The following ACOT7 variants were observed in gnomAD, a reference collection of about 807,000 sequenced individuals.
ACOT7 encodes cytosolic acyl coenzyme A thioester hydrolase.
A neutral mutation model predicts 40.2 loss-of-function variants in ACOT7; 12 were observed. That is an observed-to-expected ratio of 0.30 (90% CI 0.19 to 0.48). The LOEUF (loss-of-function observed/expected upper bound fraction) is 0.48, where lower values mean the gene tolerates loss of function less well. Among genes scored for constraint, ACOT7 ranks in the 20% least tolerant of loss-of-function variants. ACOT7 has a pLI of 0.99. For missense variants in ACOT7, 395 were observed against 530.8 expected (o/e 0.74, Z 2.51); for synonymous variants, 228 against 219.5 (o/e 1.04, Z -0.34).
At chr1:6,276,927 C>A (rs906744925) in intron 8 of ACOT7, among the ~76,000 whole-genome samples, 1 of 152,146 alleles carries the variant, frequency 6.6e-6, no homozygotes, top group Non-Finnish European at 1.5e-5. Flanking sequence ...TTCAAGCTGG[C>A]GCCCTTCCCT....
At chr1:6,381,507 C>T (rs1354748054) in intron 1 of ACOT7, among the ~76,000 whole-genome samples, 4 of 151,230 alleles carry the variant, frequency 2.6e-5, no homozygotes, top group Non-Finnish European at 5.9e-5. Context: ...ATTAGGATGG[C>T]AACTATCAAA....
chr1:6,373,395 A>G (rs565610312), intron 1 of ACOT7, among the ~76,000 whole-genome samples: 1 of 152,080 alleles, frequency 6.6e-6, no homozygotes, highest in Non-Finnish European at 1.5e-5. Flanking sequence ...TGACTACGGC[A>G]CATGCCACCA....
At chr1:6,304,602 G>A (rs1449416407) in intron 6 of ACOT7, among the ~76,000 whole-genome samples, 28 of 134,708 alleles carry the variant, frequency 2.1e-4, no homozygotes, top group Admixed American at 3.0e-4. Context: ...GACTCTTAAC[G>A]AGCATGCTGC....
At chr1:6,341,117 G>A (rs960521162) in intron 2 of ACOT7, among the ~76,000 whole-genome samples, 2 of 151,832 alleles carry the variant, frequency 1.3e-5, no homozygotes, top group East Asian at 2.0e-4. Context: ...TAATCTGCCC[G>A]TGTTGTGACA....
chr1:6,300,338 G>T (rs752590657), intron 6 of ACOT7, among the ~76,000 whole-genome samples: 18 of 152,228 alleles, frequency 1.2e-4, no homozygotes, highest in Non-Finnish European at 2.1e-4. Flanking sequence ...TGCCGGGGAA[G>T]CTGGTGCCAG....
rs1340665215 is a variant in ACOT7, at chr1:6,341,669, G to A, written c.262-2080C>T. Reference sequence around the variant, plus strand: ...AGGCAGGAGAATGGCGTGAACCCGGGAGGCGGAGCTTGCAGTGAGCCAAGA... The same window carrying A: ...AGGCAGGAGAATGGCGTGAACCCGGAAGGCGGAGCTTGCAGTGAGCCAAGA... On this transcript the variant is annotated intron_variant, in intron 2 of 8. Transcript: ENST00000361521. Among the ~76,000 whole-genome samples the A allele has an allele frequency of 3.9e-5, 6 of 152,220 alleles. No homozygotes were observed. In the South Asian group the frequency reaches 1.2e-3, roughly 32 times the overall value.
rs1335406965 is a variant in ACOT7, at chr1:6,353,310, T to C, written c.144-3444A>G. On this transcript the variant is annotated intron_variant, in intron 1 of 8. Transcript: ENST00000361521. ...CTCAAGCCTGGGCAACAGAGTGAGA[T>C]GCTGTCTCAAAAGAAAAAAAAAATT... 6.7e-5 allele frequency among the ~76,000 whole-genome samples: 10 copies of C among 148,416 alleles called. No homozygotes were observed. In the East Asian group the frequency reaches 1.8e-3, roughly 27 times the overall value.
At chr1:6,280,340 C>A (rs1162827019) in intron 8 of ACOT7, among the ~76,000 whole-genome samples, 1 of 152,238 alleles carries the variant, frequency 6.6e-6, no homozygotes, top group East Asian at 1.9e-4. Context: ...GGATGGGGAA[C>A]CTCTGTTCTT....
At chr1:6,284,576 C>CAAAAAAA (rs561943319) in intron 7 of ACOT7, among the ~76,000 whole-genome samples, 1 of 58,002 alleles carries the variant, frequency 1.7e-5, no homozygotes, top group Non-Finnish European at 3.4e-5. Context: ...AACTCCATCT[C>CAAAAAAA]AAAAAAAAAA....
In ACOT7 at chr1:6,304,239, G is replaced by A. The variant is rs985437155; in HGVS notation, c.713-9259C>T. ...TGTTCATCACTTGGAACAGGGAAAT[G>A]TTGTCAGTGGGTATCTGCCACGCAT... On this transcript the variant is annotated intron_variant, in intron 6 of 8. Coordinates refer to ENST00000361521, the MANE Select transcript of ACOT7 (RefSeq NM_007274.4). 2.7e-5 allele frequency among the ~76,000 whole-genome samples: 4 copies of A among 150,508 alleles called. No individual in the cohort carries two copies. In the East Asian group the frequency reaches 7.8e-4, roughly 29 times the overall value.
At chr1:6,367,281 T>G (rs1304935031) in intron 1 of ACOT7, among the ~76,000 whole-genome samples, 1 of 152,176 alleles carries the variant, frequency 6.6e-6, no homozygotes, top group East Asian at 1.9e-4. Flanking sequence ...TCTAAATCCT[T>G]TTGTTATGGG....
At chr1:6,268,349 C>G (rs754794648) in intron 8 of ACOT7, among the ~76,000 whole-genome samples, 1 of 152,170 alleles carries the variant, frequency 6.6e-6, no homozygotes, top group Non-Finnish European at 1.5e-5. Flanking sequence ...AATAACTACA[C>G]AGGAATTCTT....
In ACOT7 at chr1:6,393,704, C is replaced by T. The variant is rs1211064959; in HGVS notation, c.-305G>A. On this transcript the variant is annotated 5_prime_UTR_variant, in exon 1 of 9. Transcript: ENST00000361521. ...GCAGCCCCGAGGGAAGCGTCTGGGGCGGCCTAAGTGGCGGAGCAGGGCGGA... is the reference window on the plus strand; with the variant it reads ...GCAGCCCCGAGGGAAGCGTCTGGGGTGGCCTAAGTGGCGGAGCAGGGCGGA... The T allele has an allele frequency of 9.6e-6, 2 of 208,934 alleles. No homozygotes were observed. The highest frequency in any genetic ancestry group is 9.4e-6 in the Non-Finnish European group (1 of 105,832). The allele number at this position is 208,934 out of a possible 1,614,324, so 12.9% of individuals were successfully genotyped here.
chr1:6,360,030 G>A (rs1641852982), intron 1 of ACOT7, among the ~76,000 whole-genome samples: 1 of 152,250 alleles, frequency 6.6e-6, no homozygotes, highest in Non-Finnish European at 1.5e-5. Flanking sequence ...TCTGGTAAAA[G>A]TTAAATAGGT....
intron 8 of ACOT7, among the ~76,000 whole-genome samples, chr1:6,273,610 C>T (rs972178354): frequency 2.6e-5 from 4 of 152,008 alleles, no homozygotes; most frequent in Non-Finnish European, 5.9e-5. Flanking sequence ...CAAGCCCTTC[C>T]AGGAACACAC....
Position 6,274,069 on chromosome 1 carries a change from T to G in ACOT7, c.1014+7033A>C, listed in dbSNP as rs1639120214. Among the ~76,000 whole-genome samples, 1 of 152,140 alleles carries G rather than the reference T, an allele frequency of 6.6e-6. No homozygotes were observed. The highest frequency in any genetic ancestry group is 1.5e-5 in the Non-Finnish European group (1 of 68,002). ...GCTTCTTCGAGAGGAACGGGGCCCA[T>G]GCGAGGACCCCAGGCCCCTCTGCAC... On this transcript the variant is annotated intron_variant, in intron 8 of 8. Coordinates refer to ENST00000361521, the MANE Select transcript of ACOT7 (RefSeq NM_007274.4). The surrounding 1 kb of genome is among the most constrained non-coding windows in gnomAD (Gnocchi z 5.9).
chr1:6,300,942 C>T lies in ACOT7; in HGVS notation c.713-5962G>A, dbSNP rs192618861. On this transcript the variant is annotated intron_variant, in intron 6 of 8. Coordinates refer to ENST00000361521, the MANE Select transcript of ACOT7 (RefSeq NM_007274.4). ...CCAGACACATGGAGAGTCACGCTTCCAAAGTCACACCACTAGGGGTAGGAT... is the reference window on the plus strand; with the variant it reads ...CCAGACACATGGAGAGTCACGCTTCTAAAGTCACACCACTAGGGGTAGGAT... Among the ~76,000 whole-genome samples the T allele has an allele frequency of 3.0e-3, 454 of 152,368 alleles. 2 individuals are homozygous for T. Among genetic ancestry groups the T allele is most frequent in the African/African-American group, 9.7e-3 (404 of 41,588 alleles).
At chr1:6,385,958 C>A in intron 1 of ACOT7, 1 of 689,568 alleles carries the variant, frequency 1.5e-6, no homozygotes, top group Non-Finnish European at 2.2e-6. Context: ...GGCCACCACC[C>A]CTCTGCGGGA....
intron 1 of ACOT7, among the ~76,000 whole-genome samples, chr1:6,386,648 G>C (rs1450914507): frequency 1.3e-5 from 2 of 152,114 alleles, no homozygotes; most frequent in Non-Finnish European, 2.9e-5. Flanking sequence ...TTGAGCCCAG[G>C]AGTTCAAGAC....
Sources: allele counts gnomAD v4.1 joint callset (sites outside exome capture counted in the v4.1 genomes callset), GRCh38; gene constraint gnomAD v4.1.1; non-coding constraint Gnocchi (gnomAD v3.1); transcripts MANE v1.5; gene names NCBI Gene and HGNC (gene_info 2026-07-23, HGNC 2026-07-21).